The following ISY1 variants were observed in gnomAD, a reference collection of about 807,000 sequenced individuals.
ISY1 encodes ISY1 spliceosome associated protein.
ISY1 carries 12 observed loss-of-function variants against 54.4 expected under a neutral mutation model. The ratio of observed to expected loss-of-function variants is 0.22; its 90% CI spans 0.14 to 0.36. The LOEUF (loss-of-function observed/expected upper bound fraction) is 0.36. Among genes scored for constraint, ISY1 ranks in the 10% least tolerant of loss-of-function variants. ISY1 has a pLI of 1.00. For synonymous variants in ISY1, 96 were observed against 117.9 expected, an observed-to-expected ratio of 0.81 and a Z score of 1.20; for missense variants, 282 against 342.2, an observed-to-expected ratio of 0.82 and a Z score of 1.39.
intron 5 of ISY1, among the ~76,000 whole-genome samples, chr3:129,147,254 G>A (rs1936794945): frequency 6.6e-6 from 1 of 151,742 alleles, no homozygotes; most frequent in African/African-American, 2.4e-5. Flanking sequence ...GTGCACGCTT[G>A]TAATCCCAGC....
At chr3:129,137,111 G>T (rs755857785) in intron 7 of ISY1, 43 of 181,100 alleles carry the variant, frequency 2.4e-4, no homozygotes, top group Non-Finnish European at 4.0e-4. Flanking sequence ...TGTTAGCCAG[G>T]ATGGTCTTGA....
intron 8 of ISY1, 124 bp downstream of exon 8, chr3:129,134,708 T>C (rs937375459): frequency 1.5e-6 from 2 of 1,325,358 alleles, no homozygotes; most frequent in Non-Finnish European, 2.0e-6. Context: ...CCATCACGCC[T>C]GAAGATCATT....
intron 5 of ISY1, among the ~76,000 whole-genome samples, chr3:129,153,662 T>C (rs377005079): frequency 3.4e-4 from 51 of 151,664 alleles, no homozygotes; most frequent in African/African-American, 1.2e-3. Context: ...GGTGGGCGCC[T>C]GTAGGCCCAG....
rs1936164923 is a variant in ISY1 at position 129,128,913 on chromosome 3, G to A, written c.*1168C>T. On this transcript the variant is annotated 3_prime_UTR_variant, in exon 11 of 11. Transcript: ENST00000393295. ...AAGCCCCAGTTCAGAGGAAGCTCTG[G>A]ACTCAGCTCGTGTCCACTGTGTGCT... is the stretch of plus-strand genomic sequence containing the variant. 2.0e-5 allele frequency: 3 copies of A among 152,380 alleles called. No individual in the cohort carries two copies. The highest frequency in any genetic ancestry group is 2.0e-4 in the Admixed American group (3 of 15,282). 9.4% of individuals were successfully genotyped at this position (152,380 alleles called of 1,614,324 possible). A position where few individuals can be genotyped will look rare whatever the true frequency, so the allele number is the denominator to read the frequency against.
chr3:129,159,093 G>C lies in ISY1; in HGVS notation c.26+61C>G. The stretch of plus-strand genomic sequence containing the variant: ...ATACCAAAAAGAGGAAATACACAAA[G>C]AGTTACATGGTGGTTTTTAAGTTAC... On this transcript the variant is annotated intron_variant, in intron 2 of 10. Transcript: ENST00000393295. 7 of 1,582,082 alleles carry C rather than the reference G, an allele frequency of 4.4e-6. No individual in the cohort carries two copies. In the South Asian group the frequency reaches 4.7e-5, roughly 11 times the overall value.
At chr3:129,140,634 A>AGATTGTGCTACT in intron 6 of ISY1, 149 bp from the exon 7 acceptor site, 1 of 814,026 alleles carries the variant, frequency 1.2e-6, no homozygotes, top group Non-Finnish European at 1.9e-6. Flanking sequence ...GGAGTGCAGT[A>AGATTGTGCTACT]GCACAATCTC....
chr3:129,130,327 T>C, intron 10 of ISY1, 139 bp from the exon 11 acceptor site: 1 of 1,301,458 alleles, frequency 7.7e-7, no homozygotes, highest in Non-Finnish European at 1.0e-6. Context: ...CCAAGAGTCC[T>C]AACTCCCTCC....
At chr3:129,140,328 A>C in intron 7 of ISY1, 40 bp downstream of exon 7, 11 of 1,556,760 alleles carry the variant, frequency 7.1e-6, no homozygotes, top group Non-Finnish European at 7.8e-6. Context: ...TCTTATGATT[A>C]TTACCAATGA....
At chr3:129,150,487 G>A (rs374155318) in intron 5 of ISY1, among the ~76,000 whole-genome samples, 1 of 152,056 alleles carries the variant, frequency 6.6e-6, no homozygotes, top group African/African-American at 2.4e-5. Context: ...CAAGGCGGGT[G>A]GATCACGAGG....
intron 6 of ISY1, among the ~76,000 whole-genome samples, chr3:129,142,463 C>T (rs1056957958): frequency 2.0e-5 from 3 of 152,108 alleles, no homozygotes; most frequent in Admixed American, 6.6e-5. Flanking sequence ...ACCTACCTTT[C>T]AAGTGGTTCA....
At chr3:129,136,493 T>G (rs774888793) in intron 7 of ISY1, among the ~76,000 whole-genome samples, 1 of 151,968 alleles carries the variant, frequency 6.6e-6, no homozygotes, top group Non-Finnish European at 1.5e-5. Context: ...ATGCCTGTAA[T>G]CCCAGCATGT....
chr3:129,149,229 C>T (rs553967860), intron 5 of ISY1, among the ~76,000 whole-genome samples: 6 of 148,504 alleles, frequency 4.0e-5, no homozygotes, highest in East Asian at 2.1e-4. Context: ...GTTGGGAGTT[C>T]GAGACCAGTT....
At position 129,134,841 on chromosome 3, in the gene ISY1, C is replaced by A; in HGVS notation, c.532G>T (p.Glu178Ter). The A allele has an allele frequency of 6.2e-7, 1 of 1,608,084 alleles. No homozygotes were observed. Among genetic ancestry groups the A allele is most frequent in the South Asian group, 1.1e-5 (1 of 90,544 alleles). ...GVIVPLEQEY[E>*]KKLRAELVEK... ...ATGCCCAGAGACCTACGTTTCTTTT[C>A]ATATTCCTGTTCCAAAGGCACAATA... The change falls in exon 8 of 11, where the codon GAA (glutamate) becomes TAA (stop). Residue 178 changes from glutamate (E) to a stop codon, truncating the protein, a stop_gained. Transcript: ENST00000393295. LOFTEE classifies it high-confidence loss of function.
At chr3:129,132,772 A>T (rs1231200932) in intron 9 of ISY1, among the ~76,000 whole-genome samples, 1 of 152,246 alleles carries the variant, frequency 6.6e-6, no homozygotes, top group Non-Finnish European at 1.5e-5. Flanking sequence ...ACCTGCTGAG[A>T]GAGCAAATGA....
At chr3:129,157,015 T>G (rs1350672362) in intron 3 of ISY1, 95 bp from the exon 4 acceptor site, 1 of 1,378,856 alleles carries the variant, frequency 7.3e-7, no homozygotes, top group Non-Finnish European at 1.0e-6. Flanking sequence ...AATCATCTAA[T>G]GGCCTAAAAA....
intron 8 of ISY1, 125 bp downstream of exon 8, chr3:129,134,707 C>G: frequency 7.6e-7 from 1 of 1,321,982 alleles, no homozygotes; most frequent in Non-Finnish European, 1.0e-6. Context: ...ACCATCACGC[C>G]TGAAGATCAT....
chr3:129,148,379 CT>C (rs1249622105), intron 5 of ISY1, among the ~76,000 whole-genome samples: 1 of 152,146 alleles, frequency 6.6e-6, no homozygotes, highest in Admixed American at 6.6e-5. Flanking sequence ...TCTAAAGTAA[CT>C]GTTCCATTTT....
chr3:129,157,536 T>C (rs1369567392), intron 3 of ISY1, among the ~76,000 whole-genome samples: 2 of 151,848 alleles, frequency 1.3e-5, no homozygotes, highest in Non-Finnish European at 2.9e-5. Context: ...CTGGCCAACA[T>C]GGTGAAACCC....
At chr3:129,150,326 T>A (rs920200964) in intron 5 of ISY1, among the ~76,000 whole-genome samples, 4 of 152,196 alleles carry the variant, frequency 2.6e-5, no homozygotes, top group African/African-American at 9.6e-5. Context: ...CAGCACAGTG[T>A]ATCTCCCCAT....
Sources: allele counts gnomAD v4.1 joint callset (sites outside exome capture counted in the v4.1 genomes callset), GRCh38; gene constraint gnomAD v4.1.1; transcripts MANE v1.5; gene names NCBI Gene and HGNC (gene_info 2026-07-23, HGNC 2026-07-21).